The following ACYP2 variants were observed in gnomAD, a reference collection of about 807,000 sequenced individuals.
The protein encoded by ACYP2 is acylphosphatase 2, also known as acylphosphatase-2.
In ACYP2, 12 loss-of-function variants were observed where a neutral mutation model predicts 11.2. The ratio of observed to expected loss-of-function variants is 1.08; its 90% confidence interval spans 0.69 to 1.74. The LOEUF (loss-of-function observed/expected upper bound fraction) is 1.74. Among genes scored for constraint, ACYP2 ranks in the 40% most tolerant of loss-of-function variants. The pLI is 0.00. For synonymous variants in ACYP2, 43 were observed against 32.2 expected, an observed-to-expected ratio of 1.33 and a Z score of -1.13; for missense variants, 134 against 101.9, an observed-to-expected ratio of 1.31 and a Z score of -1.35.
chr2:54,272,769 A>G (rs902792163), intron 6 of ACYP2, among the ~76,000 whole-genome samples: 8 of 152,242 alleles, frequency 5.3e-5, no homozygotes, highest in Admixed American at 2.0e-4. Context: ...ACAAGTATTC[A>G]ATAAATATTT....
At chr2:54,111,368 G>A (rs935876751) in intron 4 of ACYP2, among the ~76,000 whole-genome samples, 1 of 152,160 alleles carries the variant, frequency 6.6e-6, no homozygotes, top group Non-Finnish European at 1.5e-5. Flanking sequence ...CAAGGGCGGG[G>A]GGGACCAACC....
intron 2 of ACYP2, among the ~76,000 whole-genome samples, chr2:54,038,690 T>TATAC (rs1161034559): frequency 2.4e-5 from 1 of 41,740 alleles, no homozygotes; most frequent in Non-Finnish European, 5.4e-5. Context: ...TATATATATA[T>TATAC]ATATATATAT....
At chr2:54,141,814 A>G (rs1681618606) in intron 6 of ACYP2, 3 of 498,094 alleles carry the variant, frequency 6.0e-6, no homozygotes, top group South Asian at 3.7e-5. Context: ...TGTGTCACAC[A>G]TATGCTTTTA....
At chr2:54,011,010 T>G (rs1673343179) in intron 2 of ACYP2, among the ~76,000 whole-genome samples, 2 of 151,978 alleles carry the variant, frequency 1.3e-5, no homozygotes, top group Non-Finnish European at 2.9e-5. Flanking sequence ...TTTATTCACT[T>G]AAGAGAAAGG....
chr2:54,126,016 G>T (rs1301089657), intron 4 of ACYP2, among the ~76,000 whole-genome samples: 2 of 152,174 alleles, frequency 1.3e-5, no homozygotes, highest in Non-Finnish European at 2.9e-5. Flanking sequence ...GGGAGAAGGA[G>T]GTTGCAGTGA....
intron 4 of ACYP2, among the ~76,000 whole-genome samples, chr2:54,091,437 C>T (rs747904142): frequency 2.0e-5 from 3 of 151,818 alleles, no homozygotes; most frequent in Non-Finnish European, 2.9e-5. Flanking sequence ...CTGCAGATGC[C>T]CTTATCTCTT....
At chr2:54,067,995 A>G (rs980933868) in intron 4 of ACYP2, among the ~76,000 whole-genome samples, 2 of 152,214 alleles carry the variant, frequency 1.3e-5, no homozygotes, top group Non-Finnish European at 2.9e-5. Flanking sequence ...ATGAACACAC[A>G]TTGTTTAATG....
intron 2 of ACYP2, among the ~76,000 whole-genome samples, chr2:53,991,506 A>C (rs1388553962): frequency 6.6e-6 from 1 of 151,682 alleles, no homozygotes; most frequent in Non-Finnish European, 1.5e-5. Flanking sequence ...CCTAGGTTCA[A>C]GTGATTCTCC....
chr2:54,137,729 G>A (rs1681339309), intron 5 of ACYP2, among the ~76,000 whole-genome samples: 1 of 152,136 alleles, frequency 6.6e-6, no homozygotes, highest in Non-Finnish European at 1.5e-5. Flanking sequence ...TGTGAATACT[G>A]CTGTAGTGAA....
intron 2 of ACYP2, among the ~76,000 whole-genome samples, chr2:54,018,791 A>C (rs1478166794): frequency 6.6e-6 from 1 of 152,102 alleles, no homozygotes; most frequent in Non-Finnish European, 1.5e-5. Flanking sequence ...TCTGTCGCCC[A>C]AGCTGGAGTG....
At chr2:54,208,962 G>A (rs1318618243) in intron 6 of ACYP2, among the ~76,000 whole-genome samples, 1 of 150,466 alleles carries the variant, frequency 6.6e-6, no homozygotes, top group Non-Finnish European at 1.5e-5. Context: ...TTGAGGAAAT[G>A]ACAAAAACAA....
intron 2 of ACYP2, among the ~76,000 whole-genome samples, chr2:53,994,446 G>T: frequency 6.7e-6 from 1 of 150,364 alleles, no homozygotes; most frequent in Non-Finnish European, 1.5e-5. Context: ...TTGAACCCAG[G>T]AGGTGGAGGT....
At chr2:54,016,494 C>T (rs1673689996) in intron 2 of ACYP2, among the ~76,000 whole-genome samples, 1 of 151,948 alleles carries the variant, frequency 6.6e-6, no homozygotes, top group South Asian at 2.1e-4. Flanking sequence ...TTCATCACAC[C>T]CTAATGAGGG....
chr2:54,118,330 G>A (rs771578517), intron 4 of ACYP2, among the ~76,000 whole-genome samples: 4 of 152,242 alleles, frequency 2.6e-5, no homozygotes, highest in African/African-American at 9.6e-5. Flanking sequence ...GTCCACTAGA[G>A]ACAAATGGCA....
At chr2:54,175,790 T>C (rs1683432856) in intron 6 of ACYP2, among the ~76,000 whole-genome samples, 1 of 152,154 alleles carries the variant, frequency 6.6e-6, no homozygotes, top group African/African-American at 2.4e-5. Context: ...ACCCTGAACT[T>C]GCGCTGTACA....
intron 6 of ACYP2, among the ~76,000 whole-genome samples, chr2:54,140,536 A>G (rs1877909): frequency 3.7e-5 from 4 of 109,410 alleles, no homozygotes; most frequent in East Asian, 2.6e-4. Flanking sequence ...TCTCACACAC[A>G]CACACACACA....
At chr2:54,175,268 T>C (rs1312025032) in intron 6 of ACYP2, among the ~76,000 whole-genome samples, 2 of 152,202 alleles carry the variant, frequency 1.3e-5, no homozygotes, top group African/African-American at 4.8e-5. Context: ...GGAGGGTGTA[T>C]GTGTCGAGGA....
At chr2:54,114,632 T>A (rs1679646545) in intron 4 of ACYP2, among the ~76,000 whole-genome samples, 2 of 152,160 alleles carry the variant, frequency 1.3e-5, no homozygotes, top group South Asian at 4.1e-4. Context: ...TGCTGTGAGC[T>A]GAGATTGCAC....
At chr2:53,981,103 T>C (rs1161480824) in intron 2 of ACYP2, among the ~76,000 whole-genome samples, 1 of 152,182 alleles carries the variant, frequency 6.6e-6, no homozygotes, top group African/African-American at 2.4e-5. Context: ...ACCTCTTCTA[T>C]GTTTAGATAC....
Sources: allele counts gnomAD v4.1 joint callset (sites outside exome capture counted in the v4.1 genomes callset), GRCh38; gene constraint gnomAD v4.1.1; transcripts MANE v1.5; gene names NCBI Gene and HGNC (gene_info 2026-07-23, HGNC 2026-07-21).